Variants in TRPC5 observed in about 807,000 individuals in gnomAD.
TRPC5 encodes the protein transient receptor potential cation channel subfamily C member 5, also known as short transient receptor potential channel 5.
In TRPC5, 9 loss-of-function variants were observed where a neutral mutation model predicts 56.5. The ratio of observed to expected loss-of-function variants is 0.16; its 90% CI spans 0.10 to 0.28. TRPC5 has a LOEUF of 0.28. Ranked by LOEUF, TRPC5 falls within the 10% of genes least tolerant of loss-of-function variation. TRPC5 has a pLI of 1.00. For missense variants in TRPC5, 469 were observed against 748.9 expected, an observed-to-expected ratio of 0.63 and a Z score of 4.36; for synonymous variants, 282 against 278.5, an observed-to-expected ratio of 1.01 and a Z score of -0.13.
chrX:111,877,289 T>C (rs1478904720), intron 3 of TRPC5, among the ~76,000 whole-genome samples: 1 of 111,069 alleles, frequency 9.0e-6, no homozygotes, highest in African/African-American at 3.3e-5. Context: ...CAAAGAGGAG[T>C]TGAAGTTTAT....
intron 1 of TRPC5, among the ~76,000 whole-genome samples, chrX:112,057,516 A>G (rs1930368797): frequency 8.9e-6 from 1 of 111,733 alleles, no homozygotes; most frequent in Non-Finnish European, 1.9e-5. Flanking sequence ...TTTTCCCTGA[A>G]TTACCAAACT....
chrX:112,035,307 A>T (rs1929704547), intron 1 of TRPC5, among the ~76,000 whole-genome samples: 1 of 110,518 alleles, frequency 9.0e-6, no homozygotes, highest in South Asian at 3.9e-4. Flanking sequence ...GCTATTTTTG[A>T]TTGTGGAAAG....
At chrX:111,909,152 T>TAA (rs1170515112) in intron 3 of TRPC5, among the ~76,000 whole-genome samples, 6 of 34,147 alleles carry the variant, frequency 1.8e-4, no homozygotes, top group African/African-American at 4.0e-4. Context: ...ATAAATTAAT[T>TAA]AAAAAAAAAA....
In TRPC5 at chrX:112,071,309, AAAATAAAT is replaced by A. The variant is rs199726256; in HGVS notation, c.-22+10562_-22+10569del. On this transcript the variant is annotated intron_variant, in intron 1 of 10. Transcript: ENST00000262839. ...GGTGGCAGATTGAGACCCTGTCTCAAAAATAAATAAATAAATAAATAAATAAATAAATA... is the reference window on the plus strand; with the variant it reads ...GGTGGCAGATTGAGACCCTGTCTCAAAAATAAATAAATAAATAAATAAATA... Among the ~76,000 whole-genome samples the A allele has an allele frequency of 2.1e-3, 219 of 105,226 alleles. 3 individuals are homozygous for A. In the East Asian group the frequency reaches 0.045, roughly 22 times the overall value. 91.4% of individuals were successfully genotyped at this position (105,226 alleles called of 115,157 possible).
intron 7 of TRPC5, among the ~76,000 whole-genome samples, chrX:111,806,481 C>T (rs922370633): frequency 8.9e-6 from 1 of 112,102 alleles, no homozygotes; most frequent in Non-Finnish European, 1.9e-5. Flanking sequence ...ACAGAGGCCT[C>T]CCTCAGTTCC....
chrX:111,964,698 C>A (rs1259437943), intron 1 of TRPC5, among the ~76,000 whole-genome samples: 2 of 111,775 alleles, frequency 1.8e-5, no homozygotes, highest in African/African-American at 6.5e-5. Flanking sequence ...GAATTTTCAA[C>A]CCAGAATTTC....
chrX:112,081,339 G>A (rs1188334143), intron 1 of TRPC5, among the ~76,000 whole-genome samples: 1 of 111,748 alleles, frequency 8.9e-6, no homozygotes, highest in Non-Finnish European at 1.9e-5. Flanking sequence ...CTTTAAGGAA[G>A]ACAGGCAAAC....
chrX:111,873,326 A>G (rs1242721170), intron 3 of TRPC5, among the ~76,000 whole-genome samples: 1 of 111,618 alleles, frequency 9.0e-6, no homozygotes, highest in Non-Finnish European at 1.9e-5. Flanking sequence ...AAAGATGGGA[A>G]CAATAGACAC....
At chrX:111,992,551 A>G (rs1004087117) in intron 1 of TRPC5, among the ~76,000 whole-genome samples, 1 of 109,804 alleles carries the variant, frequency 9.1e-6, no homozygotes, top group African/African-American at 3.3e-5. Context: ...TTTAAATCTT[A>G]TTCTCCCATC....
intron 1 of TRPC5, among the ~76,000 whole-genome samples, chrX:111,976,872 A>C (rs1232674129): frequency 9.0e-6 from 1 of 111,177 alleles, no homozygotes; most frequent in Admixed American, 9.6e-5. Flanking sequence ...ATTAAAAAAA[A>C]AAATCCCATT....
chrX:111,843,180 G>A (rs149043032), intron 6 of TRPC5, among the ~76,000 whole-genome samples: 5,589 of 112,362 alleles, frequency 0.05, 295 homozygotes, highest in African/African-American at 0.17. Context: ...GCTTTTGGAC[G>A]TCATCTTTGT....
intron 1 of TRPC5, among the ~76,000 whole-genome samples, chrX:112,021,515 C>T (rs61394951): frequency 0.19 from 20,988 of 111,358 alleles, 2,270 homozygotes; most frequent in African/African-American, 0.41. Flanking sequence ...TGAATCTCTA[C>T]TGAGAAACTG....
chrX:111,883,018 G>A lies in TRPC5; in HGVS notation c.901-28912C>T, dbSNP rs569694160. Among the ~76,000 whole-genome samples, 77 of 108,507 alleles carry A rather than the reference G, an allele frequency of 7.1e-4. No homozygotes were observed. The South Asian group carries it at 0.031, about 43-fold the overall frequency. 94.2% of individuals were successfully genotyped at this position (108,507 alleles called of 115,157 possible). ...GGAGAATCGCTTGAACCTGGGAGGC[G>A]GAGGTTGCAGTGAGCCAAGATCATG... On this transcript the variant is annotated intron_variant, in intron 3 of 10. Transcript: ENST00000262839.
rs1166554858 is a variant in TRPC5 at position 112,061,704 on chromosome X, T to C, written c.-22+20175A>G. Among the ~76,000 whole-genome samples, 3 of 111,215 alleles carry C rather than the reference T, an allele frequency of 2.7e-5. No homozygotes were observed. In the East Asian group the frequency reaches 8.5e-4, roughly 31 times the overall value. On this transcript the variant is annotated intron_variant, in intron 1 of 10. Coordinates refer to ENST00000262839, the MANE Select transcript of TRPC5 (RefSeq NM_012471.3). ...CACACATGACTATTAAAAACGTCTG[T>C]ATGTGTGTGTGTAGGGGGTCTAGTG...
At chrX:111,936,303 A>T (rs1231954038) in intron 2 of TRPC5, among the ~76,000 whole-genome samples, 1 of 109,943 alleles carries the variant, frequency 9.1e-6, no homozygotes, top group Non-Finnish European at 1.9e-5. Flanking sequence ...TTGATTTTAT[A>T]TCCTGCACTT....
chrX:111,800,753 C>CA (rs58731485), intron 7 of TRPC5, among the ~76,000 whole-genome samples: 437 of 93,949 alleles, frequency 4.7e-3, no homozygotes, highest in Non-Finnish European at 6.7e-3. Context: ...GACTCCATCT[C>CA]AAAAAAAAAA....
At chrX:111,817,714 G>A (rs1323057587) in intron 7 of TRPC5, among the ~76,000 whole-genome samples, 2 of 111,307 alleles carry the variant, frequency 1.8e-5, no homozygotes, top group African/African-American at 3.3e-5. Flanking sequence ...GGCAACTGAG[G>A]TTCTGGAGAG....
intron 1 of TRPC5, among the ~76,000 whole-genome samples, chrX:111,984,635 T>G (rs1928166596): frequency 8.9e-6 from 1 of 111,821 alleles, no homozygotes. Flanking sequence ...CTAGAATAGT[T>G]GCTACTTTTT....
chrX:111,876,827 G>T (rs983761725), intron 3 of TRPC5, among the ~76,000 whole-genome samples: 3 of 111,642 alleles, frequency 2.7e-5, no homozygotes, highest in Non-Finnish European at 5.6e-5. Context: ...GGGTATGGTG[G>T]TGGTTTTTGT....
Sources: gnomAD v4.1 joint callset for allele counts (sites outside exome capture counted in the v4.1 genomes callset) on GRCh38, gnomAD v4.1.1 for gene constraint, MANE v1.5 for transcripts, NCBI Gene and HGNC (gene_info 2026-07-23, HGNC 2026-07-21) for gene names.